The following EIPR1 variants were observed in gnomAD, a reference collection of about 807,000 sequenced individuals.
EIPR1 encodes EARP complex and GARP complex interacting protein 1, also known as EARP and GARP complex-interacting protein 1.
A neutral mutation model predicts 48.1 loss-of-function variants in EIPR1; 25 were observed. That is an observed-to-expected ratio of 0.52 (90% CI 0.38 to 0.73). The LOEUF is 0.73. EIPR1 is among the 30% of genes least tolerant of loss of function. EIPR1 has a pLI of 0.00. For synonymous variants in EIPR1, 204 were observed against 201.9 expected, an observed-to-expected ratio of 1.01 and a Z score of -0.09; for missense variants, 415 against 506.2, an observed-to-expected ratio of 0.82 and a Z score of 1.73.
At chr2:3,338,272 T>G in intron 2 of EIPR1, 123 bp from the exon 3 acceptor site, 2 of 1,148,046 alleles carry the variant, frequency 1.7e-6, no homozygotes, top group Non-Finnish European at 2.4e-6. Context: ...TTTAGTTAAT[T>G]GTTATTATGC....
intron 1 of EIPR1, among the ~76,000 whole-genome samples, chr2:3,360,816 C>T (rs1222034024): frequency 6.6e-6 from 1 of 152,048 alleles, no homozygotes; most frequent in Non-Finnish European, 1.5e-5. Flanking sequence ...AGCAGATGAA[C>T]CTGCTCTCCT....
intron 5 of EIPR1, among the ~76,000 whole-genome samples, chr2:3,198,701 A>G (rs1284871549): frequency 1.3e-5 from 2 of 152,134 alleles, no homozygotes; most frequent in African/African-American, 4.8e-5. Flanking sequence ...TGAGCCGTAA[A>G]ACCAGCAAGT....
intron 5 of EIPR1, among the ~76,000 whole-genome samples, chr2:3,213,385 G>A (rs915786316): frequency 1.3e-5 from 2 of 152,138 alleles, no homozygotes; most frequent in African/African-American, 4.8e-5. Context: ...CTCTGTGAGA[G>A]ACAAAGTATT....
intron 5 of EIPR1, among the ~76,000 whole-genome samples, chr2:3,206,646 GCT>G (rs1188373239): frequency 2.0e-5 from 3 of 152,180 alleles, no homozygotes; most frequent in African/African-American, 7.2e-5. Flanking sequence ...AAAAATCTAA[GCT>G]CTGTTTCTGG....
intron 2 of EIPR1, among the ~76,000 whole-genome samples, chr2:3,339,858 G>C (rs1364514095): frequency 6.6e-6 from 1 of 152,222 alleles, no homozygotes; most frequent in African/African-American, 2.4e-5. Context: ...GCTGAGGCAG[G>C]AGAATGGCGT....
At chr2:3,272,490 T>G (rs1667727922) in intron 3 of EIPR1, among the ~76,000 whole-genome samples, 1 of 152,192 alleles carries the variant, frequency 6.6e-6, no homozygotes, top group Admixed American at 6.5e-5. Context: ...TTAATTGGCC[T>G]GACTTCAATA....
intron 4 of EIPR1, among the ~76,000 whole-genome samples, chr2:3,241,274 T>A (rs1251570005): frequency 6.6e-6 from 1 of 152,200 alleles, no homozygotes; most frequent in East Asian, 1.9e-4. Context: ...CACGAGGTAA[T>A]CCATGGGGGC....
chr2:3,305,251 C>T (rs1173361202), intron 3 of EIPR1, among the ~76,000 whole-genome samples: 2 of 147,316 alleles, frequency 1.4e-5, no homozygotes, highest in African/African-American at 2.5e-5. Flanking sequence ...ACCTTCCACT[C>T]CCGTACAGTT....
intron 6 of EIPR1, 48 bp downstream of exon 6, chr2:3,196,833 G>T: frequency 1.2e-6 from 2 of 1,603,592 alleles, no homozygotes; most frequent in Non-Finnish European, 1.7e-6. Flanking sequence ...GGTTCTGCTC[G>T]GTGAGGGAGG....
rs564342929 is a variant in EIPR1, at chr2:3,284,020, C to T, written c.260-26565G>A. On this transcript the variant is annotated intron_variant, in intron 3 of 8. Transcript: ENST00000382125. Reference sequence around the variant, plus strand: ...AACCACCTGAGGATGTGCGAGGGAGCGGTGCAGAGGCCCAGGGCTGTCTCC... The same window carrying T: ...AACCACCTGAGGATGTGCGAGGGAGTGGTGCAGAGGCCCAGGGCTGTCTCC... Among the ~76,000 whole-genome samples, 68 of 152,190 alleles carry T rather than the reference C, an allele frequency of 4.5e-4. 1 individual carries two copies. The highest frequency in any genetic ancestry group is 3.4e-3 in the Admixed American group (52 of 15,298).
rs1665717310 is a variant in EIPR1 at position 3,218,263 on chromosome 2, G to A, written c.417-4015C>T. On this transcript the variant is annotated intron_variant, in intron 4 of 8. Transcript: ENST00000382125. ...CCTGATATGCTCTAGAGCGTTCACA[G>A]TGACCCAGGTGCACACCCAACACGG... 1.4e-5 allele frequency among the ~76,000 whole-genome samples: 2 copies of A among 147,956 alleles called. 1 individual carries two copies. The highest frequency in any genetic ancestry group is 3.0e-5 in the Non-Finnish European group (2 of 67,176).
intron 1 of EIPR1, among the ~76,000 whole-genome samples, chr2:3,361,837 C>T (rs991897465): frequency 6.6e-6 from 1 of 151,752 alleles, no homozygotes; most frequent in Non-Finnish European, 1.5e-5. Flanking sequence ...CACCATCTGA[C>T]CCTGCCCAAG....
intron 3 of EIPR1, among the ~76,000 whole-genome samples, chr2:3,288,513 A>C (rs1668274226): frequency 6.6e-6 from 1 of 152,184 alleles, no homozygotes; most frequent in Non-Finnish European, 1.5e-5. Flanking sequence ...GTTATTAATG[A>C]TGTAAGAACA....
In EIPR1 at chr2:3,286,898, T is replaced by TG. The variant is rs1366192703; in HGVS notation, c.260-29444dup. Among the ~76,000 whole-genome samples, 7 of 134,640 alleles carry TG rather than the reference T, an allele frequency of 5.2e-5. No individual in the cohort carries two copies. The highest frequency in any genetic ancestry group is 3.0e-4 in the Admixed American group (4 of 13,274). 88.3% of individuals were successfully genotyped at this position (134,640 alleles called of 152,430 possible). A position where few individuals can be genotyped will look rare whatever the true frequency, so the allele number is the denominator to read the frequency against. On this transcript the variant is annotated intron_variant, in intron 3 of 8. Transcript: ENST00000382125. The surrounding 1 kb of genome is among the most constrained non-coding windows in gnomAD (Gnocchi z 4.2). ...GAGTGCCAGCCAGCAGAGGGGGCGG[T>TG]GGGGAGCACACAGAGTGCCAGCCGG...
At chr2:3,240,501 C>T (rs1259500520) in intron 4 of EIPR1, among the ~76,000 whole-genome samples, 1 of 150,934 alleles carries the variant, frequency 6.6e-6, no homozygotes, top group Non-Finnish European at 1.5e-5. Context: ...TAAAGCAAAG[C>T]CAGCAGATCC....
At chr2:3,266,193 C>T (rs761875678) in intron 3 of EIPR1, among the ~76,000 whole-genome samples, 11 of 152,158 alleles carry the variant, frequency 7.2e-5, no homozygotes, top group Admixed American at 1.3e-4. Flanking sequence ...GGCTAAAGGG[C>T]GAACAATGCC....
At chr2:3,208,627 T>A (rs1444015904) in intron 5 of EIPR1, 1 of 1,550,170 alleles carries the variant, frequency 6.5e-7, no homozygotes, top group African/African-American at 1.4e-5. Flanking sequence ...AATTTGGCCA[T>A]GGCATTCTGG....
intron 3 of EIPR1, among the ~76,000 whole-genome samples, chr2:3,335,264 A>C (rs1001225578): frequency 4.6e-5 from 7 of 152,198 alleles, no homozygotes; most frequent in African/African-American, 1.7e-4. Flanking sequence ...GTGTATAATG[A>C]CTATGGAAGC....
At chr2:3,269,321 GCACTCAATCATCATCA>G (rs1553291775) in intron 3 of EIPR1, among the ~76,000 whole-genome samples, 70 of 95,076 alleles carry the variant, frequency 7.4e-4, no homozygotes, top group South Asian at 1.4e-3. Flanking sequence ...CTCAGTCATC[GCACTCAATCATCATCA>G]CACTCAGTCA....
Sources: allele counts gnomAD v4.1 joint callset (sites outside exome capture counted in the v4.1 genomes callset), GRCh38; gene constraint gnomAD v4.1.1; non-coding constraint Gnocchi (gnomAD v3.1); transcripts MANE v1.5; gene names NCBI Gene and HGNC (gene_info 2026-07-23, HGNC 2026-07-21).